The following OLFML1 variants were observed in gnomAD, a reference collection of about 807,000 sequenced individuals.
OLFML1 encodes the protein olfactomedin-like protein 1.
A neutral mutation model predicts 37.3 loss-of-function variants in OLFML1; 33 were observed. The observed-to-expected ratio is 0.88, with a 90% CI of 0.67 to 1.18. The LOEUF is 1.18. OLFML1 is among the 50% of genes most tolerant of loss of function. OLFML1 has a pLI of 0.00. For synonymous variants in OLFML1, 186 were observed against 181.3 expected (o/e 1.03, Z -0.21); for missense variants, 545 against 483.7 (o/e 1.13, Z -1.19).
At position 7,509,962 on chromosome 11, in the gene OLFML1, A is replaced by T; in HGVS notation, c.983A>T (p.Tyr328Phe). 6.2e-7 allele frequency: 1 copy of T among 1,614,204 alleles called. No individual in the cohort carries two copies. The highest frequency in any genetic ancestry group is 1.1e-5 in the South Asian group (1 of 91,082). ...TCATTCCTCTTGTGTGGGGTTCTCT[A>T]TGTGGTCTACAGTACTGGGGGCCAG... ...EASFLLCGVL[Y>F]VVYSTGGQGP... The change falls in exon 3 of 3, where the codon TAT becomes TTT. Residue 328 changes from tyrosine to phenylalanine, a missense_variant. By Grantham distance (22) the Tyr-to-Phe change is conservative. Transcript: ENST00000329293.
In OLFML1 at chr11:7,509,721, G is replaced by A; in HGVS notation, c.742G>A (p.Asp248Asn). ...KYNLQKRTVE[D>N]RMLLPGGVGR... Reference sequence around the variant, plus strand: ...TAACCTGCAGAAGAGGACTGTGGAAGATCGAATGCTGCTCCCAGGAGGGGT... The same window carrying A: ...TAACCTGCAGAAGAGGACTGTGGAAAATCGAATGCTGCTCCCAGGAGGGGT... The change falls in exon 3 of 3, where the codon GAT becomes AAT. Residue 248 changes from aspartate (D) to asparagine (N), a missense_variant. Coordinates refer to ENST00000329293, the MANE Select transcript of OLFML1 (RefSeq NM_198474.4). 6.2e-7 allele frequency: 1 copy of A among 1,614,244 alleles called. No homozygotes were observed. Among genetic ancestry groups the A allele is most frequent in the Non-Finnish European group, 8.5e-7 (1 of 1,180,032 alleles).
At position 7,510,438 on chromosome 11, in the gene OLFML1, A is replaced by G. The variant is rs138276715; in HGVS notation, c.*250A>G. On this transcript the variant is annotated 3_prime_UTR_variant, in exon 3 of 3. Transcript: ENST00000329293. ...CCCCCAAACCTCCTGGCTCTCAAGGATGACCACATTCTGATACAGCCTACT... is the reference window on the plus strand; with the variant it reads ...CCCCCAAACCTCCTGGCTCTCAAGGGTGACCACATTCTGATACAGCCTACT... The G allele has an allele frequency of 6.3e-4, 281 of 447,502 alleles. 2 individuals are homozygous for G. The East Asian group carries it at 7.9e-3, about 13-fold the overall frequency. 27.7% of individuals were successfully genotyped at this position (447,502 alleles called of 1,614,324 possible). A position where few individuals can be genotyped will look rare whatever the true frequency, so the allele number is the denominator to read the frequency against.
At chr11:7,491,932 G>T (rs1390271557) in intron 2 of OLFML1, among the ~76,000 whole-genome samples, 3 of 152,150 alleles carry the variant, frequency 2.0e-5, no homozygotes, top group Admixed American at 6.5e-5. Context: ...GATTCAGCCA[G>T]CCCACCCATA....
At chr11:7,505,367 G>A (rs542972139) in intron 2 of OLFML1, among the ~76,000 whole-genome samples, 50 of 152,222 alleles carry the variant, frequency 3.3e-4, no homozygotes, top group Non-Finnish European at 3.4e-4. Context: ...GGGAGGCCCA[G>A]CATTCCTATG....
chr11:7,502,551 G>A (rs76224360), intron 2 of OLFML1, among the ~76,000 whole-genome samples: 6,803 of 152,138 alleles, frequency 0.045, 222 homozygotes, highest in Non-Finnish European at 0.072. Flanking sequence ...TAGGTTGAAA[G>A]TGAGATGTAT....
chr11:7,485,770 G>A lies in OLFML1; in HGVS notation c.-106G>A. On this transcript the variant is annotated 5_prime_UTR_variant, in exon 1 of 3. Coordinates refer to ENST00000329293, the MANE Select transcript of OLFML1 (RefSeq NM_198474.4). ...GCTGTGCAAAACGCTGTTTTTAGAG[G>A]ATTTGCCACAGCAGCGGATAGAGCA... 1 of 1,192,564 alleles carries A rather than the reference G, an allele frequency of 8.4e-7. No homozygotes were observed. The highest frequency in any genetic ancestry group is 1.2e-6 in the Non-Finnish European group (1 of 837,168). The allele number at this position is 1,192,564 out of a possible 1,614,324, so 73.9% of individuals were successfully genotyped here.
chr11:7,498,490 C>G lies in OLFML1; in HGVS notation c.418+10075C>G, dbSNP rs1273320694. Among the ~76,000 whole-genome samples, 3 of 152,090 alleles carry G rather than the reference C, an allele frequency of 2.0e-5. No individual in the cohort carries two copies. In the East Asian group the frequency reaches 5.8e-4, roughly 29 times the overall value. ...TCCATGGGCAGTATCATGAAATACC[C>G]CTAATTTTTAGAATAAGTCCATGCT... On this transcript the variant is annotated intron_variant, in intron 2 of 2. Transcript: ENST00000329293.
At chr11:7,491,697 T>G (rs1161614985) in intron 2 of OLFML1, among the ~76,000 whole-genome samples, 4 of 151,204 alleles carry the variant, frequency 2.6e-5, no homozygotes, top group African/African-American at 9.7e-5. Flanking sequence ...TACCATAGAT[T>G]TAGCATCTTA....
chr11:7,505,102 A>ATTTT (rs10642637), intron 2 of OLFML1, among the ~76,000 whole-genome samples: 2 of 142,946 alleles, frequency 1.4e-5, no homozygotes. Context: ...TAATTATTGT[A>ATTTT]TTTTTTTTTT....
At chr11:7,509,228 C>G (rs184013551) in intron 2 of OLFML1, among the ~76,000 whole-genome samples, 170 bp from the exon 3 acceptor site, 6 of 152,268 alleles carry the variant, frequency 3.9e-5, no homozygotes, top group Admixed American at 3.9e-4. Context: ...CTAGGATTTT[C>G]CAAGGGAAAC....
intron 2 of OLFML1, among the ~76,000 whole-genome samples, chr11:7,495,194 GCCT>G (rs1848647607): frequency 6.6e-6 from 1 of 152,014 alleles, no homozygotes; most frequent in Non-Finnish European, 1.5e-5. Flanking sequence ...TCCTATGAAA[GCCT>G]CCTCGCTGAC....
intron 2 of OLFML1, among the ~76,000 whole-genome samples, chr11:7,493,677 T>C (rs943007869): frequency 6.6e-6 from 1 of 152,214 alleles, no homozygotes; most frequent in Non-Finnish European, 1.5e-5. Flanking sequence ...CCCACGTACA[T>C]AGCACTTCTT....
chr11:7,511,257 C>T lies in OLFML1; in HGVS notation c.*1069C>T, dbSNP rs1000535892. 6.6e-6 allele frequency: 1 copy of T among 152,234 alleles called. No homozygotes were observed. Among genetic ancestry groups the T allele is most frequent in the African/African-American group, 2.4e-5 (1 of 41,462 alleles). The allele number at this position is 152,234 out of a possible 1,614,324, so 9.4% of individuals were successfully genotyped here. On this transcript the variant is annotated 3_prime_UTR_variant, in exon 3 of 3. Transcript: ENST00000329293. ...ACCAGTCTAAGGGTGAGGACCCCAA[C>T]TCTAGCCTCCTCTTGTCTTGCTGTC...
intron 1 of OLFML1, among the ~76,000 whole-genome samples, chr11:7,487,473 A>C (rs984735253): frequency 1.3e-5 from 2 of 152,350 alleles, no homozygotes; most frequent in East Asian, 3.9e-4. Context: ...AATGAGCTTT[A>C]AGTAGACATT....
At chr11:7,491,101 A>T (rs1848591571) in intron 2 of OLFML1, among the ~76,000 whole-genome samples, 1 of 149,862 alleles carries the variant, frequency 6.7e-6, no homozygotes, top group South Asian at 2.1e-4. Flanking sequence ...GTATGTGTGT[A>T]TATATGTATT....
At chr11:7,493,103 A>G (rs1020222998) in intron 2 of OLFML1, among the ~76,000 whole-genome samples, 4 of 152,220 alleles carry the variant, frequency 2.6e-5, no homozygotes, top group Admixed American at 2.6e-4. Flanking sequence ...AAAACAAGCC[A>G]TTATAGCAGA....
Position 7,510,009 on chromosome 11 carries a change from A to G in OLFML1, c.1030A>G (p.Ile344Val), listed in dbSNP as rs752930813. 2 of 1,614,246 alleles carry G rather than the reference A, an allele frequency of 1.2e-6. No individual in the cohort carries two copies. The highest frequency in any genetic ancestry group is 1.1e-5 in the South Asian group (1 of 91,088). ...CCAGGGCCCTCATCGCATCACCTGC[A>G]TCTATGATCCACTGGGCACTATCAG... ...GGQGPHRITCIYDPLGTISEE... is the reference protein window; with the variant it reads ...GGQGPHRITCVYDPLGTISEE... The change falls in exon 3 of 3, where the codon ATC (isoleucine) becomes GTC (valine). Residue 344 changes from isoleucine to valine, a missense_variant. Coordinates refer to ENST00000329293, the MANE Select transcript of OLFML1 (RefSeq NM_198474.4).
chr11:7,497,852 A>G (rs1848681889), intron 2 of OLFML1, among the ~76,000 whole-genome samples: 2 of 152,326 alleles, frequency 1.3e-5, no homozygotes, highest in African/African-American at 4.8e-5. Flanking sequence ...GCCCTGTTTA[A>G]GCCCTAACCC....
At chr11:7,499,958 T>C (rs191412326) in intron 2 of OLFML1, among the ~76,000 whole-genome samples, 20 of 152,348 alleles carry the variant, frequency 1.3e-4, no homozygotes, top group Non-Finnish European at 2.4e-4. Context: ...CGATGCACTC[T>C]CAGCTTACTA....
Sources: allele counts gnomAD v4.1 joint callset (sites outside exome capture counted in the v4.1 genomes callset), GRCh38; gene constraint gnomAD v4.1.1; transcripts MANE v1.5; gene names NCBI Gene and HGNC (gene_info 2026-07-23, HGNC 2026-07-21).